The following EPHA6 variants were observed in gnomAD, a reference collection of about 807,000 sequenced individuals.
EPHA6 encodes EPH receptor A6.
A neutral mutation model predicts 112.0 loss-of-function variants in EPHA6; 50 were observed. The observed-to-expected ratio is 0.45, with a 90% CI of 0.36 to 0.56. The LOEUF is 0.56. Ranked by LOEUF, EPHA6 falls within the 20% of genes least tolerant of loss-of-function variation. The probability of loss-of-function intolerance (pLI) is 0.00; values close to 1 mark genes in which losing one functional copy is unlikely to be tolerated. For synonymous variants in EPHA6, 529 were observed against 490.7 expected, an observed-to-expected ratio of 1.08 and a Z score of -1.03; for missense variants, 1,280 against 1,417.4, an observed-to-expected ratio of 0.90 and a Z score of 1.56.
At chr3:97,152,732 A>G (rs534781099) in intron 3 of EPHA6, among the ~76,000 whole-genome samples, 7 of 152,196 alleles carry the variant, frequency 4.6e-5, no homozygotes, top group African/African-American at 1.7e-4. Context: ...ACTTCTTTTC[A>G]TTGCCCATTT....
chr3:97,725,078 C>T (rs986178522), intron 15 of EPHA6, among the ~76,000 whole-genome samples: 3 of 151,996 alleles, frequency 2.0e-5, no homozygotes, highest in South Asian at 4.1e-4. Flanking sequence ...CATCATGAAA[C>T]TAAGAAGGTG....
intron 10 of EPHA6, among the ~76,000 whole-genome samples, chr3:97,521,916 C>T (rs1283870276): frequency 7.3e-6 from 1 of 137,736 alleles, no homozygotes; most frequent in Non-Finnish European, 1.5e-5. Flanking sequence ...TTCTGGAGAG[C>T]CTTTTTCAAA....
At chr3:97,389,808 G>A (rs1320017924) in intron 5 of EPHA6, among the ~76,000 whole-genome samples, 5 of 152,130 alleles carry the variant, frequency 3.3e-5, no homozygotes, top group Non-Finnish European at 7.4e-5. Context: ...TGCAATAAAT[G>A]TGAAGCAATG....
intron 7 of EPHA6, among the ~76,000 whole-genome samples, chr3:97,458,340 A>G (rs2090768707): frequency 6.6e-6 from 1 of 152,138 alleles, no homozygotes; most frequent in Non-Finnish European, 1.5e-5. Flanking sequence ...ACTGAATTTC[A>G]TATTCTCTTA....
intron 3 of EPHA6, among the ~76,000 whole-genome samples, chr3:97,012,936 GTTTA>G (rs1231003077): frequency 7.2e-5 from 11 of 151,894 alleles, no homozygotes; most frequent in African/African-American, 1.9e-4. Flanking sequence ...TACTGGGCTT[GTTTA>G]TTTATTTATT....
chr3:97,372,084 C>T (rs1300771567), intron 5 of EPHA6, among the ~76,000 whole-genome samples: 4 of 152,036 alleles, frequency 2.6e-5, no homozygotes, highest in African/African-American at 9.7e-5. Flanking sequence ...ATCTTATTAC[C>T]TTGTGAAGCA....
chr3:97,742,189 C>T (rs2035533575), intron 16 of EPHA6, among the ~76,000 whole-genome samples: 1 of 152,138 alleles, frequency 6.6e-6, no homozygotes, highest in Non-Finnish European at 1.5e-5. Context: ...ACAACACTCT[C>T]CTGCTGAGTC....
intron 2 of EPHA6, among the ~76,000 whole-genome samples, chr3:96,951,885 G>A (rs756230533): frequency 6.6e-6 from 1 of 152,018 alleles, no homozygotes; most frequent in Non-Finnish European, 1.5e-5. Flanking sequence ...CTATCTCTGT[G>A]GCCTGCAGTA....
At chr3:96,821,313 A>G (rs1341248087) in intron 1 of EPHA6, among the ~76,000 whole-genome samples, 1 of 151,988 alleles carries the variant, frequency 6.6e-6, no homozygotes, top group African/African-American at 2.4e-5. Flanking sequence ...TTCTGGAGAT[A>G]CTTCATTTAA....
chr3:96,938,358 C>G (rs2040724010), intron 2 of EPHA6, among the ~76,000 whole-genome samples: 1 of 150,782 alleles, frequency 6.6e-6, no homozygotes, highest in African/African-American at 2.4e-5. Flanking sequence ...GTATTTTATT[C>G]TCTTTGAAGC....
chr3:97,280,072 G>C (rs1271894938), intron 5 of EPHA6, among the ~76,000 whole-genome samples: 1 of 152,150 alleles, frequency 6.6e-6, no homozygotes, highest in East Asian at 1.9e-4. Flanking sequence ...TTTTAGTAGA[G>C]ACAGAGTTTT....
At chr3:97,346,127 T>C (rs2083519858) in intron 5 of EPHA6, among the ~76,000 whole-genome samples, 1 of 152,184 alleles carries the variant, frequency 6.6e-6, no homozygotes, top group African/African-American at 2.4e-5. Flanking sequence ...CCTGTCCTTT[T>C]ACTTTGCATA....
intron 6 of EPHA6, among the ~76,000 whole-genome samples, chr3:97,411,693 C>T (rs1374398570): frequency 1.3e-5 from 2 of 151,878 alleles, no homozygotes; most frequent in Non-Finnish European, 2.9e-5. Flanking sequence ...CTTATAAAAA[C>T]GAATTAAGAA....
intron 2 of EPHA6, among the ~76,000 whole-genome samples, chr3:96,957,593 G>T (rs984914441): frequency 2.0e-5 from 3 of 152,134 alleles, no homozygotes; most frequent in South Asian, 4.1e-4. Flanking sequence ...GCCCTGATTG[G>T]TGTTGTGAAA....
chr3:96,841,166 C>T (rs1324932516), intron 1 of EPHA6, among the ~76,000 whole-genome samples: 2 of 152,022 alleles, frequency 1.3e-5, no homozygotes, highest in African/African-American at 2.4e-5. Context: ...GAGGTGAAGG[C>T]TGGTCAACTT....
intron 1 of EPHA6, among the ~76,000 whole-genome samples, chr3:96,836,659 C>T (rs1394534664): frequency 1.3e-5 from 2 of 152,090 alleles, no homozygotes; most frequent in African/African-American, 2.4e-5. Context: ...ACAGATGAGC[C>T]GTTCTACCTC....
At chr3:97,393,520 T>A (rs554039597) in intron 5 of EPHA6, among the ~76,000 whole-genome samples, 1 of 151,992 alleles carries the variant, frequency 6.6e-6, no homozygotes, top group East Asian at 1.9e-4. Flanking sequence ...TGTAATTAAG[T>A]GCTGACAGTG....
chr3:96,926,760 G>A (rs1188250821), intron 2 of EPHA6, among the ~76,000 whole-genome samples: 1 of 152,182 alleles, frequency 6.6e-6, no homozygotes, highest in Non-Finnish European at 1.5e-5. Context: ...CAAGGGGTGG[G>A]CTCCCATGGC....
At chr3:97,069,753 T>C (rs978577810) in intron 3 of EPHA6, among the ~76,000 whole-genome samples, 1 of 152,160 alleles carries the variant, frequency 6.6e-6, no homozygotes, top group East Asian at 1.9e-4. Context: ...TTAATAAATA[T>C]GCTTATATTA....
Sources: gnomAD v4.1 joint callset for allele counts (sites outside exome capture counted in the v4.1 genomes callset) on GRCh38, gnomAD v4.1.1 for gene constraint, MANE v1.5 for transcripts, NCBI Gene and HGNC (gene_info 2026-07-23, HGNC 2026-07-21) for gene names.